SLC24A4: variants seen among roughly 807,000 people sequenced by gnomAD.
SLC24A4 encodes the protein solute carrier family 24 member 4, also known as sodium/potassium/calcium exchanger 4.
SLC24A4 carries 53 observed loss-of-function variants against 79.0 expected under a neutral mutation model. That is an observed-to-expected ratio of 0.67 (90% CI 0.54 to 0.84). SLC24A4 has a LOEUF of 0.84. Among genes scored for constraint, SLC24A4 ranks in the 40% least tolerant of loss-of-function variants. SLC24A4 has a pLI of 0.00. For missense variants in SLC24A4, 731 were observed against 822.0 expected, an observed-to-expected ratio of 0.89 and a Z score of 1.35; for synonymous variants, 323 against 323.8, an observed-to-expected ratio of 1.00 and a Z score of 0.03.
At chr14:92,469,530 G>A (rs1894319419) in intron 12 of SLC24A4, among the ~76,000 whole-genome samples, 1 of 150,660 alleles carries the variant, frequency 6.6e-6, no homozygotes, top group African/African-American at 2.4e-5. Context: ...GTTAAACATA[G>A]AGTCACCATA....
Position 92,496,929 on chromosome 14 carries a change from T to A in SLC24A4, c.*3301T>A, listed in dbSNP as rs1895946777. The A allele has an allele frequency of 6.6e-6, 1 of 152,362 alleles. No homozygotes were observed. The highest frequency in any genetic ancestry group is 6.5e-5 in the Admixed American group (1 of 15,286). The allele number at this position is 152,362 out of a possible 1,614,324, so 9.4% of individuals were successfully genotyped here. On this transcript the variant is annotated 3_prime_UTR_variant, in exon 17 of 17. Transcript: ENST00000532405. The stretch of plus-strand genomic sequence containing the variant: ...TTCAAGCAATTCTTGTGCCTCAGCC[T>A]CCTGAGGATTACAGGCGTGCGCCAC...
At chr14:92,478,016 A>G (rs1894868482) in intron 12 of SLC24A4, among the ~76,000 whole-genome samples, 1 of 151,978 alleles carries the variant, frequency 6.6e-6, no homozygotes, top group South Asian at 2.1e-4. Flanking sequence ...CACGTTGGCC[A>G]GGCTGGTCTT....
intron 8 of SLC24A4, among the ~76,000 whole-genome samples, chr14:92,445,833 CT>C (rs35202693): frequency 1.3e-5 from 2 of 152,194 alleles, no homozygotes; most frequent in Non-Finnish European, 2.9e-5. Context: ...AAAACTGAGA[CT>C]TTTTAGAAAA....
At chr14:92,377,028 C>T (rs560712607) in intron 2 of SLC24A4, among the ~76,000 whole-genome samples, 18 of 152,310 alleles carry the variant, frequency 1.2e-4, no homozygotes, top group African/African-American at 2.9e-4. Flanking sequence ...TCATCACTGC[C>T]GGTACCATAT....
chr14:92,377,452 A>G (rs1888580548), intron 2 of SLC24A4, among the ~76,000 whole-genome samples: 1 of 152,200 alleles, frequency 6.6e-6, no homozygotes, highest in Non-Finnish European at 1.5e-5. Context: ...CAAACTAAGG[A>G]GATGACACCT....
intron 10 of SLC24A4, chr14:92,452,886 G>T (rs1161480709): frequency 6.6e-6 from 1 of 152,166 alleles, no homozygotes; most frequent in Non-Finnish European, 1.5e-5. Flanking sequence ...CTCTTACACG[G>T]GTTTGCTCTC....
rs4900130 is a variant in SLC24A4 at position 92,493,596 on chromosome 14, G to C, written c.1837G>C (p.Val613Leu). Reference protein sequence around the residue: ...IMIEFNVFTFVNLPMCREDD With the variant: ...IMIEFNVFTFLNLPMCREDD Reference sequence around the variant, plus strand: ...GATAGAGTTTAACGTCTTTACCTTCGTCAACTTGCCGATGTGCCGGGAAGA... The same window carrying C: ...GATAGAGTTTAACGTCTTTACCTTCCTCAACTTGCCGATGTGCCGGGAAGA... Residue 613 changes from valine (V) to leucine (L), a missense_variant, in exon 17 of 17, where the codon GTC (valine) becomes CTC (leucine). Transcript: ENST00000532405. 1.9e-6 allele frequency: 3 copies of C among 1,614,014 alleles called. No individual in the cohort carries two copies. In the Admixed American group the frequency reaches 5.0e-5, roughly 27 times the overall value.
intron 2 of SLC24A4, among the ~76,000 whole-genome samples, chr14:92,349,695 C>T (rs371221621): frequency 4.6e-5 from 7 of 152,212 alleles, no homozygotes; most frequent in South Asian, 2.1e-4. Context: ...GGACCCCTCA[C>T]GTTGCTGTAG....
intron 2 of SLC24A4, among the ~76,000 whole-genome samples, chr14:92,430,367 A>G (rs1290006546): frequency 6.6e-6 from 1 of 152,238 alleles, no homozygotes; most frequent in Non-Finnish European, 1.5e-5. Context: ...GGCAGCACTA[A>G]TTCAGAGCGT....
In SLC24A4 at chr14:92,344,165, C is replaced by T. The variant is rs563204711; in HGVS notation, c.241+18187C>T. ...TTGGCCAATGGATGTGAGCAGACACCACTTACGTGATGTCTGAGCAGAAGC... is the reference window on the plus strand; with the variant it reads ...TTGGCCAATGGATGTGAGCAGACACTACTTACGTGATGTCTGAGCAGAAGC... On this transcript the variant is annotated intron_variant, in intron 2 of 16. Coordinates refer to ENST00000532405, the MANE Select transcript of SLC24A4 (RefSeq NM_153646.4). Among the ~76,000 whole-genome samples, 15 of 152,290 alleles carry T rather than the reference C, an allele frequency of 9.8e-5. No homozygotes were observed. The South Asian group carries it at 2.3e-3, about 23-fold the overall frequency.
intron 2 of SLC24A4, among the ~76,000 whole-genome samples, chr14:92,428,787 G>A (rs1367756871): frequency 2.6e-5 from 4 of 152,184 alleles, no homozygotes; most frequent in Non-Finnish European, 5.9e-5. Flanking sequence ...TGGGGGGAGG[G>A]GACCCCCTAG....
At position 92,496,989 on chromosome 14, in the gene SLC24A4, CG is replaced by C; in HGVS notation, c.*3364del. The C allele has an allele frequency of 6.6e-6, 1 of 152,194 alleles. No homozygotes were observed. The highest frequency in any genetic ancestry group is 1.9e-4 in the East Asian group (1 of 5,180). The allele number at this position is 152,194 out of a possible 1,614,324, so 9.4% of individuals were successfully genotyped here. A position where few individuals can be genotyped will look rare whatever the true frequency, so the allele number is the denominator to read the frequency against. On this transcript the variant is annotated 3_prime_UTR_variant, in exon 17 of 17. Transcript: ENST00000532405. Reference sequence around the variant, plus strand: ...CTAATTTTTGTATTTTTAGTAGAGACGGGTTTTCACCATGTTGGCCAGGCTG... The same window carrying C: ...CTAATTTTTGTATTTTTAGTAGAGACGGTTTTCACCATGTTGGCCAGGCTG...
intron 2 of SLC24A4, among the ~76,000 whole-genome samples, chr14:92,385,887 G>A (rs1889130296): frequency 1.3e-5 from 2 of 152,220 alleles, no homozygotes; most frequent in Admixed American, 6.5e-5. Flanking sequence ...CCTGGGATGC[G>A]AGGGGAGAGG....
intron 2 of SLC24A4, among the ~76,000 whole-genome samples, chr14:92,380,159 C>T (rs978512831): frequency 3.3e-5 from 5 of 152,336 alleles, no homozygotes; most frequent in African/African-American, 4.8e-5. Context: ...GCTCTGCATC[C>T]GAAGGCAGAA....
intron 12 of SLC24A4, among the ~76,000 whole-genome samples, chr14:92,465,100 G>GTGTC (rs1414004376): frequency 6.6e-6 from 1 of 152,194 alleles, no homozygotes; most frequent in Non-Finnish European, 1.5e-5. Flanking sequence ...GATTCTGTTG[G>GTGTC]TGTCTCTCTG....
rs1043362352 is a variant in SLC24A4 at position 92,490,699 on chromosome 14, G to A, written c.1538-966G>A. Among the ~76,000 whole-genome samples the A allele has an allele frequency of 1.2e-4, 19 of 152,292 alleles. No homozygotes were observed. The South Asian group carries it at 3.1e-3, about 25-fold the overall frequency. On this transcript the variant is annotated intron_variant, in intron 14 of 16. Coordinates refer to ENST00000532405, the MANE Select transcript of SLC24A4 (RefSeq NM_153646.4). This position sits in a 1 kb window ranked among gnomAD's most constrained non-coding sequence, Gnocchi z 4.3. ...AGGTTATGCCCCACTCCGGCCTCCA[G>A]CCCAGGGTAGCTGGGAACATGAAGT...
chr14:92,445,263 G>T, intron 7 of SLC24A4, 54 bp from the exon 8 acceptor site: 1 of 1,608,528 alleles, frequency 6.2e-7, no homozygotes, highest in Non-Finnish European at 8.5e-7. Context: ...GCTTGTTCTT[G>T]TTTGGAAATA....
At chr14:92,385,585 A>T (rs1215315819) in intron 2 of SLC24A4, among the ~76,000 whole-genome samples, 2 of 152,126 alleles carry the variant, frequency 1.3e-5, no homozygotes, top group Non-Finnish European at 2.9e-5. Context: ...ATTATTATTC[A>T]TAACATACCC....
rs796277416 is a variant in SLC24A4, at chr14:92,487,976, GCTC to G, written c.1537+1215_1537+1217del. On this transcript the variant is annotated intron_variant, in intron 14 of 16. Coordinates refer to ENST00000532405, the MANE Select transcript of SLC24A4 (RefSeq NM_153646.4). ...ATGTCTGTGTCGACTTCCTCCTCCTGCTCCTCCTCCTCCTCCTCCTCTCGCTCC... is the reference window on the plus strand; with the variant it reads ...ATGTCTGTGTCGACTTCCTCCTCCTGCTCCTCCTCCTCCTCCTCTCGCTCC... Among the ~76,000 whole-genome samples the G allele has an allele frequency of 8.8e-4, 126 of 142,418 alleles. No homozygotes were observed. In the Middle Eastern group the frequency reaches 0.023, roughly 25 times the overall value. The allele number at this position is 142,418 out of a possible 152,430, so 93.4% of individuals were successfully genotyped here. A position where few individuals can be genotyped will look rare whatever the true frequency, so the allele number is the denominator to read the frequency against.
Sources: gnomAD v4.1 joint callset for allele counts (sites outside exome capture counted in the v4.1 genomes callset) on GRCh38, gnomAD v4.1.1 for gene constraint, Gnocchi (gnomAD v3.1) non-coding constraint, MANE v1.5 for transcripts, NCBI Gene and HGNC (gene_info 2026-07-23, HGNC 2026-07-21) for gene names.